PLXDC2: variants seen among roughly 807,000 people sequenced by gnomAD.
PLXDC2 encodes the protein plexin domain containing 2, also known as plexin domain-containing protein 2.
PLXDC2 carries 40 observed loss-of-function variants against 68.9 expected under a neutral mutation model. That is an observed-to-expected ratio of 0.58 (90% CI 0.45 to 0.76). The LOEUF (loss-of-function observed/expected upper bound fraction) is 0.76. Among genes scored for constraint, PLXDC2 ranks in the 30% least tolerant of loss-of-function variants. The pLI, the probability that PLXDC2 is intolerant of heterozygous loss-of-function variation, is 0.00. For missense variants in PLXDC2, 644 were observed against 661.9 expected (o/e 0.97, Z 0.30); for synonymous variants, 243 against 234.2 (o/e 1.04, Z -0.34).
chr10:20,256,687 T>C (rs1384057986), intron 13 of PLXDC2, among the ~76,000 whole-genome samples: 1 of 152,140 alleles, frequency 6.6e-6, no homozygotes, highest in Non-Finnish European at 1.5e-5. Flanking sequence ...TCTCAGTTTT[T>C]CCCTTGGTGT....
At chr10:19,869,615 G>A (rs1321573485) in intron 1 of PLXDC2, among the ~76,000 whole-genome samples, 4 of 151,498 alleles carry the variant, frequency 2.6e-5, no homozygotes, top group Non-Finnish European at 4.4e-5. Context: ...AGCACAATGT[G>A]GTTAGTTATT....
At chr10:19,817,561 C>T in intron 1 of PLXDC2, among the ~76,000 whole-genome samples, 1 of 152,146 alleles carries the variant, frequency 6.6e-6, no homozygotes. Flanking sequence ...TTCCTCGCTG[C>T]TGGTTAAACT....
At chr10:19,936,415 G>T (rs1833724516) in intron 1 of PLXDC2, among the ~76,000 whole-genome samples, 1 of 152,208 alleles carries the variant, frequency 6.6e-6, no homozygotes, top group South Asian at 2.1e-4. Flanking sequence ...AGTCAAATCT[G>T]ACACTGCACT....
intron 1 of PLXDC2, among the ~76,000 whole-genome samples, chr10:19,928,015 C>A (rs1056536466): frequency 6.6e-6 from 1 of 152,146 alleles, no homozygotes; most frequent in Non-Finnish European, 1.5e-5. Context: ...GCACCCATAG[C>A]TTAGCTCCCA....
At chr10:19,827,274 T>TTATAATAAGTCTTATATAA (rs1836590141) in intron 1 of PLXDC2, among the ~76,000 whole-genome samples, 1 of 152,182 alleles carries the variant, frequency 6.6e-6, no homozygotes, top group Non-Finnish European at 1.5e-5. Flanking sequence ...TACTGTAGCT[T>TTATAATAAGTCTTATATAA]TATAATAAGT....
intron 6 of PLXDC2, among the ~76,000 whole-genome samples, chr10:20,150,327 A>T (rs1834136409): frequency 6.6e-6 from 1 of 152,148 alleles, no homozygotes; most frequent in Non-Finnish European, 1.5e-5. Flanking sequence ...TATACCCAGT[A>T]ATGGGATTGC....
intron 4 of PLXDC2, among the ~76,000 whole-genome samples, chr10:20,084,314 G>A (rs926009156): frequency 2.0e-4 from 30 of 152,118 alleles, no homozygotes; most frequent in African/African-American, 7.2e-4. Flanking sequence ...GGACCAAAGC[G>A]ATACTTAAAT....
chr10:19,934,226 C>T (rs938448135), intron 1 of PLXDC2, among the ~76,000 whole-genome samples: 1 of 152,166 alleles, frequency 6.6e-6, no homozygotes, highest in Non-Finnish European at 1.5e-5. Flanking sequence ...ATTTCTAATA[C>T]CTTTATTAAT....
In PLXDC2 at chr10:20,222,674, C is replaced by T. The variant is rs940810873; in HGVS notation, c.1312+3572C>T. 2.0e-5 allele frequency among the ~76,000 whole-genome samples: 3 copies of T among 152,024 alleles called. No homozygotes were observed. The South Asian group carries it at 6.2e-4, about 32-fold the overall frequency. ...GAGCTTTGATTGACCATTGAAATGG[C>T]TGGTTCTAAAAACGCAGATGATCCA... is the stretch of plus-strand genomic sequence containing the variant. On this transcript the variant is annotated intron_variant, in intron 12 of 13. Coordinates refer to ENST00000377252, the MANE Select transcript of PLXDC2 (RefSeq NM_032812.9).
chr10:19,978,747 T>A (rs1834499835), intron 1 of PLXDC2, among the ~76,000 whole-genome samples: 1 of 152,226 alleles, frequency 6.6e-6, no homozygotes, highest in Non-Finnish European at 1.5e-5. Context: ...CACGTAAAAC[T>A]CAGCACTTTA....
At chr10:20,217,890 A>T (rs1475202174) in intron 11 of PLXDC2, among the ~76,000 whole-genome samples, 1 of 152,014 alleles carries the variant, frequency 6.6e-6, no homozygotes, top group Non-Finnish European at 1.5e-5. Context: ...GTGTGGCTAA[A>T]TTTTGTACTA....
intron 1 of PLXDC2, among the ~76,000 whole-genome samples, chr10:19,911,089 G>A (rs1287768933): frequency 6.6e-6 from 1 of 151,876 alleles, no homozygotes; most frequent in Non-Finnish European, 1.5e-5. Flanking sequence ...GGACCTTCTC[G>A]GGGGTGTGAC....
chr10:19,934,229 T>G (rs1483748669), intron 1 of PLXDC2, among the ~76,000 whole-genome samples: 3 of 152,264 alleles, frequency 2.0e-5, no homozygotes, highest in African/African-American at 4.8e-5. Flanking sequence ...TCTAATACCT[T>G]TATTAATTTA....
chr10:20,092,004 G>T (rs1833283472), intron 4 of PLXDC2, among the ~76,000 whole-genome samples: 1 of 152,196 alleles, frequency 6.6e-6, no homozygotes, highest in Non-Finnish European at 1.5e-5. Context: ...ATACATGAGT[G>T]AATTTTATAC....
chr10:19,884,103 G>C (rs1269725623), intron 1 of PLXDC2, among the ~76,000 whole-genome samples: 1 of 150,474 alleles, frequency 6.6e-6, no homozygotes, highest in South Asian at 2.1e-4. Context: ...TGCCATGTTG[G>C]CCAGGCTGGT....
rs2119405235 is a variant in PLXDC2, at chr10:20,283,974, G to A, written c.*4155G>A. The A allele has an allele frequency of 6.6e-6, 1 of 152,148 alleles. No homozygotes were observed. Among genetic ancestry groups the A allele is most frequent in the Middle Eastern group, 3.4e-3 (1 of 294 alleles). The allele number at this position is 152,148 out of a possible 1,614,324, so 9.4% of individuals were successfully genotyped here. A position where few individuals can be genotyped will look rare whatever the true frequency, so the allele number is the denominator to read the frequency against. ...TCAGTTTTTCGCAACAGATTCTTAT[G>A]TTACATCTTCATGAGGGAGTATAAA... On this transcript the variant is annotated 3_prime_UTR_variant, in exon 14 of 14. Transcript: ENST00000377252.
intron 10 of PLXDC2, among the ~76,000 whole-genome samples, chr10:20,212,406 T>C (rs1456590841): frequency 4.6e-5 from 7 of 152,078 alleles, no homozygotes; most frequent in Non-Finnish European, 7.4e-5. Flanking sequence ...GTGTAAGCAA[T>C]TGGATACCAG....
intron 13 of PLXDC2, among the ~76,000 whole-genome samples, chr10:20,255,033 C>T (rs1014014543): frequency 1.1e-4 from 16 of 151,956 alleles, no homozygotes; most frequent in Non-Finnish European, 1.8e-4. Flanking sequence ...TAATTTCTTC[C>T]CTTCATTGGG....
intron 1 of PLXDC2, among the ~76,000 whole-genome samples, chr10:19,997,851 T>A (rs567245753): frequency 6.6e-6 from 1 of 152,346 alleles, no homozygotes; most frequent in East Asian, 1.9e-4. Flanking sequence ...CTTTCTACAA[T>A]AGTTTATCTG....
Sources: allele counts gnomAD v4.1 joint callset (sites outside exome capture counted in the v4.1 genomes callset), GRCh38; gene constraint gnomAD v4.1.1; transcripts MANE v1.5; gene names NCBI Gene and HGNC (gene_info 2026-07-23, HGNC 2026-07-21).